The following COBL variants were observed in gnomAD, a reference collection of about 807,000 sequenced individuals.
COBL encodes the protein cordon-bleu WH2 repeat protein.
In COBL, 51 loss-of-function variants were observed where a neutral mutation model predicts 98.8. The observed-to-expected ratio is 0.52, with a 90% CI of 0.41 to 0.65. COBL has a LOEUF of 0.65. Among genes scored for constraint, COBL ranks in the 30% least tolerant of loss-of-function variants. COBL has a pLI of 0.00. For synonymous variants in COBL, 634 were observed against 651.7 expected, an observed-to-expected ratio of 0.97 and a Z score of 0.41; for missense variants, 1,617 against 1,617.5, an observed-to-expected ratio of 1.00 and a Z score of 0.01.
chr7:51,154,055 C>T (rs1459581692), intron 5 of COBL, among the ~76,000 whole-genome samples: 1 of 152,118 alleles, frequency 6.6e-6, no homozygotes, highest in African/African-American at 2.4e-5. Flanking sequence ...TGAGTGCCTC[C>T]AACCTTGGCA....
chr7:51,082,285 C>T (rs1009854514), intron 7 of COBL, among the ~76,000 whole-genome samples: 1 of 152,206 alleles, frequency 6.6e-6, no homozygotes, highest in South Asian at 2.1e-4. Context: ...CAGGATGGCA[C>T]TTGCTTTATC....
At chr7:51,141,293 A>T (rs1799718838) in intron 5 of COBL, among the ~76,000 whole-genome samples, 1 of 152,206 alleles carries the variant, frequency 6.6e-6, no homozygotes, top group Non-Finnish European at 1.5e-5. Context: ...TTCAAGGTTA[A>T]GGGATATGTT....
In COBL at chr7:51,053,434, T is replaced by C. The variant is rs906188964; in HGVS notation, c.1097-9742A>G. Among the ~76,000 whole-genome samples the C allele has an allele frequency of 3.2e-4, 48 of 152,336 alleles. 1 individual carries two copies. The highest frequency in any genetic ancestry group is 6.8e-3 in the Middle Eastern group (2 of 294). On this transcript the variant is annotated intron_variant, in intron 7 of 12. Coordinates refer to ENST00000265136, the MANE Select transcript of COBL (RefSeq NM_015198.5). Reference sequence around the variant, plus strand: ...ATGGGCACTTGGAGTTCAGGGCATCTCACCCAGTCAGGAAGGCCTCCTCAA... The same window carrying C: ...ATGGGCACTTGGAGTTCAGGGCATCCCACCCAGTCAGGAAGGCCTCCTCAA...
chr7:51,034,926 T>C (rs1334359642), intron 8 of COBL: 2 of 152,220 alleles, frequency 1.3e-5, no homozygotes, highest in Non-Finnish European at 2.9e-5. Context: ...TGAATAAGTA[T>C]TGCAGTTATT....
intron 7 of COBL, among the ~76,000 whole-genome samples, chr7:51,058,382 T>C (rs1341208110): frequency 1.3e-5 from 2 of 152,140 alleles, no homozygotes; most frequent in South Asian, 2.1e-4. Context: ...ACCCTGTCTG[T>C]CTCTACAAAA....
chr7:51,028,935 C>T lies in COBL; in HGVS notation c.2161G>A (p.Asp721Asn), dbSNP rs141355954. Reference sequence around the variant, plus strand: ...CCGGTGGAGAGGGACACATCTCTGTCGTAACATCGCATCTCTGACTTTGGA... The same window carrying T: ...CCGGTGGAGAGGGACACATCTCTGTTGTAACATCGCATCTCTGACTTTGGA... ...IPPKSEMRCYDRDVSLSTGAI... is the reference protein window; with the variant it reads ...IPPKSEMRCYNRDVSLSTGAI... Residue 721 changes from aspartate (D) to asparagine (N), a missense_variant, in exon 10 of 13, where the codon GAC becomes AAC. Coordinates refer to ENST00000265136, the MANE Select transcript of COBL (RefSeq NM_015198.5). 143 of 1,614,170 alleles carry T rather than the reference C, an allele frequency of 8.9e-5. No homozygotes were observed. In the African/African-American group the frequency reaches 9.6e-4, roughly 11 times the overall value.
intron 2 of COBL, among the ~76,000 whole-genome samples, chr7:51,203,711 T>C (rs934328156): frequency 1.3e-5 from 2 of 151,700 alleles, no homozygotes; most frequent in African/African-American, 2.4e-5. Context: ...CAATAACAAA[T>C]ACAGAGATTA....
chr7:51,142,980 G>C (rs1290088998), intron 5 of COBL, among the ~76,000 whole-genome samples: 1 of 152,140 alleles, frequency 6.6e-6, no homozygotes, highest in Non-Finnish European at 1.5e-5. Flanking sequence ...CAGGGGGAGG[G>C]AGAGATGCAG....
At chr7:51,289,113 G>A (rs1462373251) in intron 1 of COBL, among the ~76,000 whole-genome samples, 2 of 152,180 alleles carry the variant, frequency 1.3e-5, no homozygotes, top group African/African-American at 4.8e-5. Flanking sequence ...GGTGCTCAGG[G>A]TCCAGTGAGG....
Position 51,016,585 on chromosome 7 carries a change from C to G in COBL, c.*966G>C. On this transcript the variant is annotated 3_prime_UTR_variant, in exon 13 of 13. Coordinates refer to ENST00000265136, the MANE Select transcript of COBL (RefSeq NM_015198.5). ...ATATCATACAAAGGGAGCCAATGAG[C>G]TGTTGGACAAACGCGTCAAGGCTGA... 4.9e-6 allele frequency: 1 copy of G among 202,626 alleles called. No individual in the cohort carries two copies. The highest frequency in any genetic ancestry group is 1.9e-4 in the South Asian group (1 of 5,270). 12.6% of individuals were successfully genotyped at this position (202,626 alleles called of 1,614,324 possible).
At chr7:51,091,032 T>A (rs1269308633) in intron 6 of COBL, among the ~76,000 whole-genome samples, 3 of 152,222 alleles carry the variant, frequency 2.0e-5, no homozygotes, top group Non-Finnish European at 4.4e-5. Flanking sequence ...AATCTCTAGC[T>A]GAGCTGACTG....
intron 6 of COBL, among the ~76,000 whole-genome samples, chr7:51,113,245 A>G (rs995622122): frequency 6.6e-6 from 1 of 152,254 alleles, no homozygotes; most frequent in Non-Finnish European, 1.5e-5. Flanking sequence ...GCAAAGGTGC[A>G]AAGTACTACT....
At chr7:51,173,623 T>C (rs10281538) in intron 5 of COBL, among the ~76,000 whole-genome samples, 2,674 of 152,234 alleles carry the variant, frequency 0.018, 71 homozygotes, top group African/African-American at 0.061. Context: ...TCTGGTGCAA[T>C]TGGAAAATTC....
chr7:51,291,693 G>A (rs1800910232), intron 1 of COBL, among the ~76,000 whole-genome samples: 2 of 152,080 alleles, frequency 1.3e-5, no homozygotes, highest in Non-Finnish European at 1.5e-5. Flanking sequence ...CCCAGGAAGT[G>A]GAGGTTGCAG....
chr7:51,155,925 T>C (rs1051436604), intron 5 of COBL, among the ~76,000 whole-genome samples: 2 of 152,128 alleles, frequency 1.3e-5, no homozygotes, highest in African/African-American at 4.8e-5. Context: ...CCAATCTCCA[T>C]GCAACCAAGC....
At chr7:51,260,512 C>T (rs892190172) in intron 1 of COBL, among the ~76,000 whole-genome samples, 1 of 152,202 alleles carries the variant, frequency 6.6e-6, no homozygotes, top group African/African-American at 2.4e-5. Context: ...GATAAACAAA[C>T]ACTCAAGACA....
At chr7:51,046,812 G>C (rs1789752725) in intron 7 of COBL, among the ~76,000 whole-genome samples, 3 of 152,142 alleles carry the variant, frequency 2.0e-5, no homozygotes, top group Admixed American at 2.0e-4. Flanking sequence ...ACCCCAGCCT[G>C]AAACCCAGGG....
rs1803624637 is a variant in COBL, at chr7:51,316,574, C to G, written c.41+19G>C. The G allele has an allele frequency of 6.6e-6, 8 of 1,208,392 alleles. No homozygotes were observed. The highest frequency in any genetic ancestry group is 3.9e-5 in the South Asian group (1 of 25,512). 74.9% of individuals were successfully genotyped at this position (1,208,392 alleles called of 1,614,324 possible). Reference sequence around the variant, plus strand: ...AGGGAAGCCCCCTCTCCACCCCGCCCGACCGCGGGGCCGCTTACCCGGTCG... The same window carrying G: ...AGGGAAGCCCCCTCTCCACCCCGCCGGACCGCGGGGCCGCTTACCCGGTCG... On this transcript the variant is annotated intron_variant, in intron 1 of 12. Transcript: ENST00000265136.
intron 7 of COBL, among the ~76,000 whole-genome samples, chr7:51,047,655 G>A (rs1789847738): frequency 6.6e-6 from 1 of 152,126 alleles, no homozygotes; most frequent in Non-Finnish European, 1.5e-5. Context: ...AAATTTATAT[G>A]GCCCAGAGAA....
Sources: gnomAD v4.1 joint callset for allele counts (sites outside exome capture counted in the v4.1 genomes callset) on GRCh38, gnomAD v4.1.1 for gene constraint, MANE v1.5 for transcripts, NCBI Gene and HGNC (gene_info 2026-07-23, HGNC 2026-07-21) for gene names.